The following NTRK2 variants were observed in gnomAD, a reference collection of about 807,000 sequenced individuals.
NTRK2 encodes neurotrophic receptor tyrosine kinase 2, also known as BDNF/NT-3 growth factors receptor.
Under a neutral mutation model 94.5 loss-of-function variants are expected in NTRK2, and 13 were observed. That is an observed-to-expected ratio of 0.14 (90% CI 0.09 to 0.22). NTRK2 has a LOEUF of 0.22. NTRK2 is among the 10% of genes least tolerant of loss of function. The pLI is 1.00. For missense variants in NTRK2, 639 were observed against 1,071.2 expected (o/e 0.60, Z 5.63); for synonymous variants, 372 against 407.4 (o/e 0.91, Z 1.05).
At chr9:84,703,295 AC>A (rs1195504472) in intron 4 of NTRK2, among the ~76,000 whole-genome samples, 2 of 152,140 alleles carry the variant, frequency 1.3e-5, no homozygotes, top group Admixed American at 6.5e-5. Flanking sequence ...TGGGACCCTC[AC>A]CTGGATTATT....
chr9:84,729,920 A>G (rs1936432), intron 9 of NTRK2, among the ~76,000 whole-genome samples: 283 of 152,154 alleles, frequency 1.9e-3, no homozygotes, highest in Non-Finnish European at 2.8e-3. Context: ...GTAGAGCTGA[A>G]CTCTTCTTAT....
chr9:84,738,548 A>G (rs1488077397), intron 9 of NTRK2, among the ~76,000 whole-genome samples: 1 of 152,238 alleles, frequency 6.6e-6, no homozygotes, highest in African/African-American at 2.4e-5. Context: ...GTTAATAATT[A>G]CCTTACTGTT....
chr9:84,969,268 G>T (rs889222042), intron 17 of NTRK2, among the ~76,000 whole-genome samples: 1 of 152,184 alleles, frequency 6.6e-6, no homozygotes, highest in African/African-American at 2.4e-5. Flanking sequence ...TTTGGAGTTG[G>T]TCCAGAACGA....
intron 17 of NTRK2, among the ~76,000 whole-genome samples, chr9:84,964,139 C>T (rs1477190829): frequency 2.0e-5 from 3 of 152,130 alleles, no homozygotes; most frequent in African/African-American, 4.8e-5. Context: ...AGTTGGAAGC[C>T]AGACATTGTG....
intron 12 of NTRK2, chr9:84,815,585 A>G (rs1564343077): frequency 3.0e-6 from 3 of 1,008,964 alleles, no homozygotes; most frequent in East Asian, 1.3e-4. Flanking sequence ...TTCTGTAAAT[A>G]ATGGATAATC....
chr9:84,923,730 A>G (rs1160896626), intron 14 of NTRK2, among the ~76,000 whole-genome samples: 1 of 152,162 alleles, frequency 6.6e-6, no homozygotes, highest in Admixed American at 6.5e-5. Flanking sequence ...AGCCTGGCCA[A>G]TATGGCAAAA....
At chr9:84,765,078 A>C (rs1208238803) in intron 12 of NTRK2, among the ~76,000 whole-genome samples, 1 of 152,196 alleles carries the variant, frequency 6.6e-6, no homozygotes, top group African/African-American at 2.4e-5. Flanking sequence ...AGGGATGCGG[A>C]GGTTGTGAGG....
chr9:84,901,199 GTTTTGTTTTATTTTA>G (rs1379816333), intron 14 of NTRK2, among the ~76,000 whole-genome samples: 2 of 131,566 alleles, frequency 1.5e-5, no homozygotes, highest in African/African-American at 2.9e-5. Flanking sequence ...GTTTTGTTTT[GTTTTGTTTTATTTTA>G]TTTTATTTTA....
intron 8 of NTRK2, among the ~76,000 whole-genome samples, chr9:84,726,970 A>G (rs2062508198): frequency 6.6e-6 from 1 of 152,252 alleles, no homozygotes; most frequent in Admixed American, 6.5e-5. Flanking sequence ...GTCCAGGCTT[A>G]GATTGGACCC....
intron 2 of NTRK2, among the ~76,000 whole-genome samples, chr9:84,674,784 A>G (rs2058929610): frequency 6.6e-6 from 1 of 152,160 alleles, no homozygotes; most frequent in Non-Finnish European, 1.5e-5. Context: ...GAGTCTTTTT[A>G]GTTTCATACC....
intron 17 of NTRK2, among the ~76,000 whole-genome samples, chr9:85,015,172 C>T (rs1203144176): frequency 3.3e-5 from 5 of 152,140 alleles, no homozygotes; most frequent in Non-Finnish European, 7.3e-5. Context: ...AAAATACTCC[C>T]TTATGTTATA....
intron 6 of NTRK2, among the ~76,000 whole-genome samples, chr9:84,711,631 A>T (rs2131842995): frequency 6.6e-6 from 1 of 152,372 alleles, no homozygotes; most frequent in Admixed American, 6.5e-5. Flanking sequence ...AAAGCCATGT[A>T]GCACCTGGTT....
Position 84,798,805 on chromosome 9 carries a change from A to G in NTRK2, c.1396+46720A>G, listed in dbSNP as rs182342573. ...CATTCATTTGCAACTCTTTGTGAAC[A>G]TAAAGCATTTGCCACTTCAAGGACA... On this transcript the variant is annotated intron_variant, in intron 12 of 18. Coordinates refer to ENST00000277120, the MANE Select transcript of NTRK2 (RefSeq NM_006180.6). 1.6e-3 allele frequency among the ~76,000 whole-genome samples: 236 copies of G among 152,114 alleles called. 7 individuals are homozygous for G. In the South Asian group the frequency reaches 0.044, roughly 28 times the overall value.
At position 84,804,773 on chromosome 9, in the gene NTRK2, G is replaced by A. The variant is rs192042602; in HGVS notation, c.1396+52688G>A. Among the ~76,000 whole-genome samples, 79 of 152,198 alleles carry A rather than the reference G, an allele frequency of 5.2e-4. 1 individual carries two copies. Among genetic ancestry groups the A allele is most frequent in the Admixed American group, 5.1e-3 (78 of 15,292 alleles). Reference sequence around the variant, plus strand: ...TAAGCCCCTCTAGACTTAGAATTGTGGAATGACATCTTTAAGAAAATGTCA... The same window carrying A: ...TAAGCCCCTCTAGACTTAGAATTGTAGAATGACATCTTTAAGAAAATGTCA... On this transcript the variant is annotated intron_variant, in intron 12 of 18. Transcript: ENST00000277120.
At chr9:84,895,904 G>T (rs577747030) in intron 14 of NTRK2, among the ~76,000 whole-genome samples, 2 of 152,338 alleles carry the variant, frequency 1.3e-5, no homozygotes, top group African/African-American at 4.8e-5. Context: ...TTTTTAAAGG[G>T]TGCCATGGGG....
chr9:84,951,487 C>T (rs2078780557), intron 16 of NTRK2, among the ~76,000 whole-genome samples: 1 of 152,230 alleles, frequency 6.6e-6, no homozygotes, highest in Admixed American at 6.5e-5. Flanking sequence ...TACAAATGTG[C>T]TCACCTGGAT....
At chr9:84,929,827 G>C (rs936906902) in intron 14 of NTRK2, among the ~76,000 whole-genome samples, 1 of 152,190 alleles carries the variant, frequency 6.6e-6, no homozygotes, top group African/African-American at 2.4e-5. Flanking sequence ...CTCCCAAAGT[G>C]CTGGGATTAC....
Position 84,948,572 on chromosome 9 carries a change from G to A in NTRK2, c.1875G>A (p.Glu625=), listed in dbSNP as rs767862598. 2 of 1,614,090 alleles carry A rather than the reference G, an allele frequency of 1.2e-6. No homozygotes were observed. Among genetic ancestry groups the A allele is most frequent in the Admixed American group, 1.7e-5 (1 of 60,012 alleles). The change falls in exon 16 of 19, where the codon GAG becomes GAA. Residue 625 remains glutamate, a synonymous_variant. Transcript: ENST00000277120. ...TCAAGTTCTATGGCGTCTGCGTGGA[G>A]GGCGACCCCCTCATCATGGTCTTTG... The part of the protein sequence containing the change: ...HIVKFYGVCV[E]GDPLIMVFEY...
At chr9:84,690,616 G>A (rs2059992522) in intron 2 of NTRK2, among the ~76,000 whole-genome samples, 1 of 151,986 alleles carries the variant, frequency 6.6e-6, no homozygotes, top group South Asian at 2.1e-4. Flanking sequence ...CTACTTGGGA[G>A]GCCGAGGCAG....
Sources: gnomAD v4.1 joint callset for allele counts (sites outside exome capture counted in the v4.1 genomes callset) on GRCh38, gnomAD v4.1.1 for gene constraint, MANE v1.5 for transcripts, NCBI Gene and HGNC (gene_info 2026-07-23, HGNC 2026-07-21) for gene names.